Variants in DIP2C observed in about 807,000 individuals in gnomAD.
The protein encoded by DIP2C is DIP2 acetate--CoA ligase C (putative), also known as disco-interacting protein 2 homolog C.
DIP2C carries 33 observed loss-of-function variants against 192.4 expected under a neutral mutation model. The observed-to-expected ratio is 0.17, with a 90% CI of 0.13 to 0.23. The LOEUF (loss-of-function observed/expected upper bound fraction) is 0.23, where lower values mean the gene tolerates loss of function less well. DIP2C is among the 10% of genes least tolerant of loss of function. The pLI, the probability that DIP2C is intolerant of heterozygous loss-of-function variation, is 1.00. For synonymous variants in DIP2C, 979 were observed against 864.1 expected (o/e 1.13, Z -2.33); for missense variants, 1,537 against 2,110.1 (o/e 0.73, Z 5.32).
In DIP2C at chr10:626,134, G is replaced by A. The variant is rs550863510; in HGVS notation, c.85+63360C>T. ...GGACCACGACAAAAGAAACGCTAAC[G>A]AGGGCTGACACTAACGAGTGCCGAT... is the stretch of plus-strand genomic sequence containing the variant. On this transcript the variant is annotated intron_variant, in intron 1 of 36. Coordinates refer to ENST00000280886, the MANE Select transcript of DIP2C (RefSeq NM_014974.3). 1.1e-3 allele frequency among the ~76,000 whole-genome samples: 172 copies of A among 152,308 alleles called. 3 individuals are homozygous for A. The South Asian group carries it at 0.031, about 27-fold the overall frequency.
intron 1 of DIP2C, among the ~76,000 whole-genome samples, chr10:642,932 G>A (rs778410588): frequency 1.1e-4 from 17 of 152,320 alleles, no homozygotes; most frequent in South Asian, 2.1e-4. Context: ...GGCCGGGCAC[G>A]GTGGCCCACA....
At chr10:600,835 A>G (rs889545398) in intron 1 of DIP2C, among the ~76,000 whole-genome samples, 3 of 152,252 alleles carry the variant, frequency 2.0e-5, no homozygotes, top group African/African-American at 2.4e-5. Flanking sequence ...CTCAACCATA[A>G]GAGAATCAGG....
chr10:434,886 T>G (rs2133234456), intron 4 of DIP2C, among the ~76,000 whole-genome samples: 1 of 152,318 alleles, frequency 6.6e-6, no homozygotes, highest in Middle Eastern at 3.4e-3. Context: ...CTGGTTTCTT[T>G]GTTGGGGTTT....
intron 1 of DIP2C, among the ~76,000 whole-genome samples, chr10:673,491 C>T (rs1830743660): frequency 3.9e-5 from 6 of 152,214 alleles, no homozygotes; most frequent in Admixed American, 3.9e-4. Flanking sequence ...CATCCCACAT[C>T]ACCTTTCAGG....
At chr10:684,294 A>C (rs181939442) in intron 1 of DIP2C, among the ~76,000 whole-genome samples, 1 of 152,214 alleles carries the variant, frequency 6.6e-6, no homozygotes, top group Admixed American at 6.5e-5. Context: ...GCAGGTAGCC[A>C]TCTCATTCAG....
intron 29 of DIP2C, 151 bp from the exon 30 acceptor site, chr10:329,752 G>A (rs1052167564): frequency 5.3e-6 from 5 of 951,324 alleles, no homozygotes; most frequent in East Asian, 2.7e-5. Flanking sequence ...TAAAGCCAAC[G>A]CTGCAAACTG....
At chr10:353,134 C>T (rs1182937650) in intron 24 of DIP2C, among the ~76,000 whole-genome samples, 1 of 151,588 alleles carries the variant, frequency 6.6e-6, no homozygotes, top group African/African-American at 2.4e-5. Context: ...TGGCTTTTCC[C>T]CCACAGAAGT....
intron 1 of DIP2C, among the ~76,000 whole-genome samples, chr10:606,452 C>CG (rs1283313462): frequency 1.3e-5 from 2 of 150,022 alleles, no homozygotes; most frequent in African/African-American, 4.9e-5. Flanking sequence ...GGGGATCTCT[C>CG]GCCCCGCTGC....
At position 507,099 on chromosome 10, in the gene DIP2C, G is replaced by A. The variant is rs79262842; in HGVS notation, c.86-20569C>T. On this transcript the variant is annotated intron_variant, in intron 1 of 36. Coordinates refer to ENST00000280886, the MANE Select transcript of DIP2C (RefSeq NM_014974.3). ...ACAGACCCGGTCACCCGCTGTGCACGATGAGAGGTATGCGAGGTTAGGGAC... is the reference window on the plus strand; with the variant it reads ...ACAGACCCGGTCACCCGCTGTGCACAATGAGAGGTATGCGAGGTTAGGGAC... 4.6e-3 allele frequency among the ~76,000 whole-genome samples: 671 copies of A among 147,048 alleles called. 7 individuals carry two copies. Among genetic ancestry groups the A allele is most frequent in the African/African-American group, 0.016 (636 of 39,710 alleles).
chr10:633,822 G>C (rs1854673390), intron 1 of DIP2C, among the ~76,000 whole-genome samples: 1 of 152,228 alleles, frequency 6.6e-6, no homozygotes, highest in Non-Finnish European at 1.5e-5. Flanking sequence ...ACGCGGTGGG[G>C]TGACCCTACC....
chr10:686,077 C>T (rs914889722), intron 1 of DIP2C, among the ~76,000 whole-genome samples: 2 of 152,082 alleles, frequency 1.3e-5, no homozygotes, highest in African/African-American at 2.4e-5. Context: ...TATTTTTAGG[C>T]CCTTTAAAGC....
At chr10:377,517 G>A (rs867701897) in intron 17 of DIP2C, among the ~76,000 whole-genome samples, 2 of 152,210 alleles carry the variant, frequency 1.3e-5, no homozygotes, top group East Asian at 1.9e-4. Flanking sequence ...TGTAGTTAGA[G>A]AATTGCAAAA....
intron 17 of DIP2C, among the ~76,000 whole-genome samples, chr10:373,113 C>G (rs1961187812): frequency 6.6e-6 from 1 of 152,228 alleles, no homozygotes; most frequent in South Asian, 2.1e-4. Flanking sequence ...CGGCAGGACT[C>G]AGACCCAGAG....
chr10:359,691 C>G (rs1022359938), intron 22 of DIP2C, among the ~76,000 whole-genome samples: 1 of 152,184 alleles, frequency 6.6e-6, no homozygotes, highest in Non-Finnish European at 1.5e-5. Context: ...CTGGGAGCCC[C>G]TGCACGATCT....
At chr10:317,545 GA>G (rs1228007488) in intron 31 of DIP2C, among the ~76,000 whole-genome samples, 1 of 151,624 alleles carries the variant, frequency 6.6e-6, no homozygotes, top group African/African-American at 2.4e-5. Flanking sequence ...TGAACTTACT[GA>G]GTGAATGATG....
intron 9 of DIP2C, among the ~76,000 whole-genome samples, chr10:407,304 T>C (rs1964875232): frequency 6.6e-6 from 1 of 152,230 alleles, no homozygotes; most frequent in South Asian, 2.1e-4. Context: ...GTGTCAGAAC[T>C]TCCTCCCTTC....
At chr10:676,836 C>T (rs936495867) in intron 1 of DIP2C, among the ~76,000 whole-genome samples, 1 of 152,002 alleles carries the variant, frequency 6.6e-6, no homozygotes, top group Non-Finnish European at 1.5e-5. Flanking sequence ...TACAAAATTA[C>T]ATCTAGATAG....
chr10:479,507 A>G (rs181810581), intron 2 of DIP2C, among the ~76,000 whole-genome samples: 60 of 151,742 alleles, frequency 4.0e-4, no homozygotes, highest in African/African-American at 1.4e-3. Flanking sequence ...CTAATTTTTA[A>G]TATTTTTTAG....
chr10:581,596 C>T (rs1850666547), intron 1 of DIP2C, among the ~76,000 whole-genome samples: 1 of 151,824 alleles, frequency 6.6e-6, no homozygotes, highest in South Asian at 2.1e-4. Context: ...ATAAGGTCAG[C>T]CTTGAAGTAA....
Sources: gnomAD v4.1 joint callset for allele counts (sites outside exome capture counted in the v4.1 genomes callset) on GRCh38, gnomAD v4.1.1 for gene constraint, MANE v1.5 for transcripts, NCBI Gene and HGNC (gene_info 2026-07-23, HGNC 2026-07-21) for gene names.